The following STK32B variants were observed in gnomAD, a reference collection of about 807,000 sequenced individuals.
The protein encoded by STK32B is serine/threonine kinase 32B.
STK32B carries 43 observed loss-of-function variants against 52.6 expected under a neutral mutation model. The observed-to-expected ratio is 0.82, with a 90% CI of 0.64 to 1.05. The LOEUF is 1.05. Among genes scored for constraint, STK32B ranks in the 50% least tolerant of loss-of-function variants. STK32B has a pLI of 0.00. For synonymous variants in STK32B, 238 were observed against 204.3 expected (o/e 1.17, Z -1.41); for missense variants, 621 against 534.6 (o/e 1.16, Z -1.59).
chr4:5,295,437 G>C (rs1390388903), intron 3 of STK32B, among the ~76,000 whole-genome samples: 1 of 152,064 alleles, frequency 6.6e-6, no homozygotes, highest in African/African-American at 2.4e-5. Flanking sequence ...ATTAATTACT[G>C]CCTCAATTTC....
chr4:5,363,925 A>G (rs1734704670), intron 4 of STK32B, among the ~76,000 whole-genome samples: 1 of 152,172 alleles, frequency 6.6e-6, no homozygotes, highest in African/African-American at 2.4e-5. Flanking sequence ...CAGCAGTTTC[A>G]AAATATGTAT....
At chr4:5,466,889 T>G in intron 10 of STK32B, 55 bp downstream of exon 10, 1 of 1,574,178 alleles carries the variant, frequency 6.4e-7, no homozygotes, top group Non-Finnish European at 8.6e-7. Flanking sequence ...CATAGGGAAA[T>G]GACTGAGCCA....
At chr4:5,489,495 A>C (rs1479435560) in intron 11 of STK32B, among the ~76,000 whole-genome samples, 1 of 152,226 alleles carries the variant, frequency 6.6e-6, no homozygotes, top group Non-Finnish European at 1.5e-5. Context: ...TTATGATCTG[A>C]AAACATAGAA....
intron 3 of STK32B, among the ~76,000 whole-genome samples, chr4:5,252,546 T>C (rs576969128): frequency 6.6e-6 from 1 of 152,296 alleles, no homozygotes; most frequent in South Asian, 2.1e-4. Flanking sequence ...TTCTGTGTCC[T>C]CCTCTTGTCC....
At chr4:5,146,138 G>T (rs1716897220) in intron 2 of STK32B, among the ~76,000 whole-genome samples, 1 of 151,440 alleles carries the variant, frequency 6.6e-6, no homozygotes, top group African/African-American at 2.4e-5. Flanking sequence ...TTGTCTAGAG[G>T]GACAGAATTA....
At chr4:5,338,075 G>A (rs1395517146) in intron 4 of STK32B, among the ~76,000 whole-genome samples, 1 of 152,194 alleles carries the variant, frequency 6.6e-6, no homozygotes, top group African/African-American at 2.4e-5. Flanking sequence ...CAGATGAGTG[G>A]ATAGAGAAGG....
At chr4:5,447,869 C>A (rs956039843) in intron 7 of STK32B, among the ~76,000 whole-genome samples, 5 of 152,294 alleles carry the variant, frequency 3.3e-5, no homozygotes, top group African/African-American at 1.2e-4. Flanking sequence ...AGCACCAGTG[C>A]CCAGCACAGA....
intron 4 of STK32B, among the ~76,000 whole-genome samples, chr4:5,376,308 C>T (rs534074235): frequency 7.9e-5 from 12 of 152,284 alleles, no homozygotes; most frequent in East Asian, 5.8e-4. Flanking sequence ...ACTCATTCAT[C>T]GCCAAATAAA....
chr4:5,352,651 G>C (rs1372661654), intron 4 of STK32B, among the ~76,000 whole-genome samples: 1 of 149,352 alleles, frequency 6.7e-6, no homozygotes, highest in Non-Finnish European at 1.5e-5. Flanking sequence ...TAAAAAAGAA[G>C]TCATTTGTCC....
rs1437112735 is a variant in STK32B at position 5,331,302 on chromosome 4, A to C, written c.343A>C (p.Asn115His). The C allele has an allele frequency of 6.2e-7, 1 of 1,613,976 alleles. No individual in the cohort carries two copies. Among genetic ancestry groups the C allele is most frequent in the Non-Finnish European group, 8.5e-7 (1 of 1,179,920 alleles). ...GGDLRYHLQQ[N>H]VHFTEGTVKL... ...CGACCTGCGCTACCATCTGCAGCAG[A>C]ATGTGCATTTCACAGAGGGGACTGT... Residue 115 changes from asparagine to histidine, a missense_variant, in exon 4 of 12, where the codon AAT becomes CAT. Asn to His is a moderately conservative substitution (Grantham distance 68, BLOSUM62 1). Coordinates refer to ENST00000282908, the MANE Select transcript of STK32B (RefSeq NM_018401.3).
At chr4:5,437,176 G>T (rs1424988871) in intron 6 of STK32B, among the ~76,000 whole-genome samples, 2 of 152,228 alleles carry the variant, frequency 1.3e-5, no homozygotes, top group East Asian at 3.8e-4. Flanking sequence ...GCTCTGCTGT[G>T]CTAACTGGGT....
chr4:5,319,236 G>T (rs763128285), intron 3 of STK32B, among the ~76,000 whole-genome samples: 1 of 152,118 alleles, frequency 6.6e-6, no homozygotes, highest in Non-Finnish European at 1.5e-5. Context: ...GACTAATGAG[G>T]ATATGGGGCC....
At chr4:5,248,561 C>T (rs1027460420) in intron 3 of STK32B, among the ~76,000 whole-genome samples, 1 of 152,070 alleles carries the variant, frequency 6.6e-6, no homozygotes, top group African/African-American at 2.4e-5. Flanking sequence ...TCTTTTTATG[C>T]CATGAATATT....
chr4:5,417,805 T>C (rs1014675110), intron 6 of STK32B, among the ~76,000 whole-genome samples: 3 of 152,244 alleles, frequency 2.0e-5, no homozygotes, highest in African/African-American at 7.2e-5. Flanking sequence ...CACAATTCTT[T>C]TGGTTGACCA....
intron 5 of STK32B, among the ~76,000 whole-genome samples, chr4:5,410,879 G>A (rs1486020229): frequency 6.6e-6 from 1 of 152,068 alleles, no homozygotes; most frequent in Non-Finnish European, 1.5e-5. Flanking sequence ...CAAGATCGTG[G>A]GCAGATTCAG....
At chr4:5,409,826 T>A (rs886821994) in intron 5 of STK32B, among the ~76,000 whole-genome samples, 5 of 152,102 alleles carry the variant, frequency 3.3e-5, no homozygotes, top group African/African-American at 1.2e-4. Context: ...AGGCCCTGCA[T>A]TCCTACCCCA....
At chr4:5,323,000 T>C (rs1284246131) in intron 3 of STK32B, among the ~76,000 whole-genome samples, 1 of 152,216 alleles carries the variant, frequency 6.6e-6, no homozygotes, top group Non-Finnish European at 1.5e-5. Flanking sequence ...CAACCTCTCT[T>C]GTCCTTGGTT....
At chr4:5,323,449 A>T (rs1251857108) in intron 3 of STK32B, among the ~76,000 whole-genome samples, 1 of 152,146 alleles carries the variant, frequency 6.6e-6, no homozygotes, top group Admixed American at 6.5e-5. Context: ...TCACTTCTGC[A>T]CCCTGCAAGG....
chr4:5,404,700 G>A (rs1034057054), intron 5 of STK32B, among the ~76,000 whole-genome samples: 22 of 150,810 alleles, frequency 1.5e-4, no homozygotes, highest in African/African-American at 4.6e-4. Flanking sequence ...TCCTCGCTCC[G>A]GGCCCATAAC....
Sources: gnomAD v4.1 joint callset for allele counts (sites outside exome capture counted in the v4.1 genomes callset) on GRCh38, gnomAD v4.1.1 for gene constraint, MANE v1.5 for transcripts, NCBI Gene and HGNC (gene_info 2026-07-23, HGNC 2026-07-21) for gene names.